The following DIS3L2 variants were observed in gnomAD, a reference collection of about 807,000 sequenced individuals.
The protein encoded by DIS3L2 is DIS3-like exonuclease 2.
Under a neutral mutation model 97.5 loss-of-function variants are expected in DIS3L2, and 34 were observed. The observed-to-expected ratio is 0.35, with a 90% confidence interval of 0.27 to 0.46. The LOEUF is 0.46. Among genes scored for constraint, DIS3L2 ranks in the 20% least tolerant of loss-of-function variants. The pLI, the probability that DIS3L2 is intolerant of heterozygous loss-of-function variation, is 1.00. For missense variants in DIS3L2, 1,038 were observed against 1,146.0 expected (o/e 0.91, Z 1.36); for synonymous variants, 435 against 445.2 (o/e 0.98, Z 0.29).
At chr2:232,216,525 C>A (rs1692339024) in intron 10 of DIS3L2, among the ~76,000 whole-genome samples, 1 of 152,194 alleles carries the variant, frequency 6.6e-6, no homozygotes, top group African/African-American at 2.4e-5. Flanking sequence ...GTCACCTTCT[C>A]CGTGAAGCCT....
At chr2:232,176,221 G>C (rs1395316397) in intron 9 of DIS3L2, among the ~76,000 whole-genome samples, 1 of 152,110 alleles carries the variant, frequency 6.6e-6, no homozygotes, top group Non-Finnish European at 1.5e-5. Flanking sequence ...TTGCATCTTG[G>C]TTATCTAATT....
At chr2:232,219,971 C>T (rs1692446063) in intron 10 of DIS3L2, among the ~76,000 whole-genome samples, 1 of 152,038 alleles carries the variant, frequency 6.6e-6, no homozygotes, top group Non-Finnish European at 1.5e-5. Context: ...TAAGAAATGC[C>T]TTTAAACACC....
intron 6 of DIS3L2, among the ~76,000 whole-genome samples, chr2:232,121,616 A>T (rs1027023170): frequency 1.3e-5 from 2 of 152,110 alleles, no homozygotes; most frequent in Non-Finnish European, 2.9e-5. Flanking sequence ...TCATCAATCT[A>T]TAGTGGTGGC....
chr2:231,978,980 G>T (rs541656675), intron 1 of DIS3L2, among the ~76,000 whole-genome samples: 1 of 152,074 alleles, frequency 6.6e-6, no homozygotes, highest in African/African-American at 2.4e-5. Flanking sequence ...TACATATTCT[G>T]TATATTAATC....
Position 232,325,353 on chromosome 2 carries a change from C to T in DIS3L2, c.1740-4460C>T, listed in dbSNP as rs1695542744. On this transcript the variant is annotated intron_variant, in intron 14 of 20. Transcript: ENST00000325385. The surrounding 1 kb of genome is among the most constrained non-coding windows in gnomAD (Gnocchi z 4.6). ...CTTTTTCTTTAGAGGAACGTTTGTG[C>T]ACTGTGGGAACCTCTGTCTCTACCA... 6.6e-6 allele frequency among the ~76,000 whole-genome samples: 1 copy of T among 152,194 alleles called. No homozygotes were observed.
chr2:232,135,149 A>G (rs1157864552), intron 7 of DIS3L2, among the ~76,000 whole-genome samples: 7 of 152,138 alleles, frequency 4.6e-5, no homozygotes, highest in African/African-American at 1.7e-4. Context: ...CTGGCGTTGA[A>G]GAGATAGGGA....
chr2:232,337,282 C>T (rs1575030953), downstream of DIS3L2: 2 of 807,324 alleles, frequency 2.5e-6, no homozygotes, highest in South Asian at 1.1e-4. Context: ...CTCTCTGCAC[C>T]AGCTCCGCAG....
intron 13 of DIS3L2, among the ~76,000 whole-genome samples, chr2:232,282,845 C>A (rs1352026393): frequency 1.3e-5 from 2 of 152,166 alleles, no homozygotes. Flanking sequence ...GAATTCAGGG[C>A]CCCCTGGTGA....
intron 5 of DIS3L2, among the ~76,000 whole-genome samples, chr2:232,030,492 A>T (rs1181807229): frequency 6.6e-6 from 1 of 152,178 alleles, no homozygotes; most frequent in Non-Finnish European, 1.5e-5. Flanking sequence ...CAGGCAATAC[A>T]TGTGGAGTTC....
intron 9 of DIS3L2, among the ~76,000 whole-genome samples, chr2:232,195,768 G>C (rs1474748557): frequency 1.3e-5 from 2 of 152,046 alleles, no homozygotes; most frequent in Non-Finnish European, 2.9e-5. Context: ...ATGAGCCTTA[G>C]GTTTGATAAT....
chr2:232,212,932 A>G (rs2129777), intron 10 of DIS3L2, among the ~76,000 whole-genome samples: 29,452 of 152,156 alleles, frequency 0.19, 3,571 homozygotes, highest in South Asian at 0.46. Flanking sequence ...GATGGAACCC[A>G]TAAGTTAGAA....
chr2:232,265,164 T>G (rs1485481220), intron 13 of DIS3L2, among the ~76,000 whole-genome samples: 1 of 152,254 alleles, frequency 6.6e-6, no homozygotes, highest in Non-Finnish European at 1.5e-5. Context: ...CTTAGACTTC[T>G]GACCTGCACC....
intron 5 of DIS3L2, among the ~76,000 whole-genome samples, chr2:232,078,181 C>T (rs1310559785): frequency 6.6e-6 from 1 of 151,814 alleles, no homozygotes; most frequent in Non-Finnish European, 1.5e-5. Flanking sequence ...GTAGCTGGGA[C>T]TACAGGCGCG....
intron 6 of DIS3L2, among the ~76,000 whole-genome samples, chr2:232,094,352 A>G (rs1224874939): frequency 1.3e-5 from 2 of 152,172 alleles, no homozygotes; most frequent in African/African-American, 2.4e-5. Context: ...TATAATGCAG[A>G]TTAAGCCAGC....
At chr2:231,971,781 C>T (rs1311878287) in intron 1 of DIS3L2, among the ~76,000 whole-genome samples, 3 of 151,220 alleles carry the variant, frequency 2.0e-5, no homozygotes, top group Non-Finnish European at 4.4e-5. Context: ...GGGGTTTCAC[C>T]GTGTTGGCCC....
intron 13 of DIS3L2, among the ~76,000 whole-genome samples, chr2:232,290,235 G>A (rs1273993375): frequency 6.6e-6 from 1 of 152,234 alleles, no homozygotes; most frequent in Non-Finnish European, 1.5e-5. Context: ...TGTGACACAC[G>A]CAGACTTGCT....
At chr2:232,119,214 C>T (rs190897875) in intron 6 of DIS3L2, among the ~76,000 whole-genome samples, 1 of 152,338 alleles carries the variant, frequency 6.6e-6, no homozygotes, top group East Asian at 1.9e-4. Context: ...TTTGACTCAT[C>T]TAGTCTAGCT....
intron 1 of DIS3L2, among the ~76,000 whole-genome samples, chr2:232,004,456 T>G (rs2106207937): frequency 6.6e-6 from 1 of 152,330 alleles, no homozygotes; most frequent in South Asian, 2.1e-4. Context: ...GTTTTTCAGG[T>G]TGTATAATTT....
At chr2:232,250,008 G>A (rs1477024918) in intron 12 of DIS3L2, among the ~76,000 whole-genome samples, 2 of 152,098 alleles carry the variant, frequency 1.3e-5, no homozygotes, top group African/African-American at 2.4e-5. Flanking sequence ...GCCTGTCGTC[G>A]GGATGTGCCT....
Sources: gnomAD v4.1 joint callset for allele counts (sites outside exome capture counted in the v4.1 genomes callset) on GRCh38, gnomAD v4.1.1 for gene constraint, Gnocchi (gnomAD v3.1) non-coding constraint, MANE v1.5 for transcripts, NCBI Gene and HGNC (gene_info 2026-07-23, HGNC 2026-07-21) for gene names.